Variants in MED23 observed in about 807,000 individuals in gnomAD.
MED23 encodes the protein mediator of RNA polymerase II transcription subunit 23.
In MED23, 105 loss-of-function variants were observed where a neutral mutation model predicts 163.9. That is an observed-to-expected ratio of 0.64 (90% CI 0.55 to 0.75). The LOEUF (loss-of-function observed/expected upper bound fraction) is 0.75. Among genes scored for constraint, MED23 ranks in the 30% least tolerant of loss-of-function variants. The pLI, the probability that MED23 is intolerant of heterozygous loss-of-function variation, is 0.00. For missense variants in MED23, 1,054 were observed against 1,649.0 expected (o/e 0.64, Z 6.25); for synonymous variants, 561 against 565.6 (o/e 0.99, Z 0.12).
Position 131,623,418 on chromosome 6 carries a change from T to C in MED23, c.329A>G (p.Glu110Gly). The change falls in exon 5 of 29, where the codon GAA (glutamate) becomes GGA (glycine). Residue 110 changes from glutamate to glycine, a missense_variant. Physicochemically the swap from Glu to Gly is moderately conservative, Grantham distance 98. Coordinates refer to ENST00000368068, the MANE Select transcript of MED23 (RefSeq NM_004830.4). Reference sequence around the variant, plus strand: ...TGTTAAGGCCCAAAGCTGTGTTCTTTCCCACTCAAGAGTGTCAGAGTTTAT... The same window carrying C: ...TGTTAAGGCCCAAAGCTGTGTTCTTCCCCACTCAAGAGTGTCAGAGTTTAT... ...SLINSDTLEW[E>G]RTQLWALTFK... 1.2e-6 allele frequency: 2 copies of C among 1,614,164 alleles called. No homozygotes were observed. Among genetic ancestry groups the C allele is most frequent in the South Asian group, 2.2e-5 (2 of 91,082 alleles).
exon 31 of MED23, chr6:131,574,072 T>TC: frequency 1.6e-6 from 1 of 606,076 alleles, no homozygotes; most frequent in South Asian, 2.1e-5. Context: ...CACTTTTTTT[T>TC]CTGCCTGGGC....
intron 3 of MED23, 130 bp from the exon 4 acceptor site, chr6:131,625,119 A>C: frequency 9.2e-7 from 1 of 1,082,400 alleles, no homozygotes; most frequent in Non-Finnish European, 1.3e-6. Context: ...GTGGATGAAA[A>C]TAATTTTTAA....
Position 131,610,839 on chromosome 6 carries a change from G to GA in MED23, c.877-594dup, listed in dbSNP as rs1776229845. 2.6e-5 allele frequency among the ~76,000 whole-genome samples: 4 copies of GA among 151,844 alleles called. No homozygotes were observed. The South Asian group carries it at 6.2e-4, about 24-fold the overall frequency. ...GAAATGGAAACTTCTTCCACAAGAGGAAAAAAAATTGATCTCTCTGCTCTT... is the reference window on the plus strand; with the variant it reads ...GAAATGGAAACTTCTTCCACAAGAGGAAAAAAAAATTGATCTCTCTGCTCTT... On this transcript the variant is annotated intron_variant, in intron 10 of 28. Coordinates refer to ENST00000368068, the MANE Select transcript of MED23 (RefSeq NM_004830.4).
downstream of MED23, chr6:131,583,589 C>T: frequency 6.5e-7 from 1 of 1,544,600 alleles, no homozygotes; most frequent in Non-Finnish European, 8.9e-7. Context: ...CTGACACTTT[C>T]AGAATGTCCA....
Position 131,623,459 on chromosome 6 carries a change from C to A in MED23, c.288G>T (p.Leu96=). 6.2e-7 allele frequency: 1 copy of A among 1,613,404 alleles called. No homozygotes were observed. The highest frequency in any genetic ancestry group is 8.5e-7 in the Non-Finnish European group (1 of 1,179,410). The stretch of plus-strand genomic sequence containing the variant: ...CAGAGTTTATCAGGGATTCACAAAC[C>A]AGCCTATAAAAAAAGAAATAGCCAT... ...AVETGLLPPR[L]VCESLINSDT... is the part of the protein sequence containing the mutation. The change falls in exon 5 of 29, where the codon CTG becomes CTT. Residue 96 remains leucine (L), a synonymous_variant. Coordinates refer to ENST00000368068, the MANE Select transcript of MED23 (RefSeq NM_004830.4).
rs1774626456 is a variant in MED23, at chr6:131,591,442, T to C, written c.3557A>G (p.Tyr1186Cys). ...AGTGAAATCAAAGAGGCGGAATGGA[T>C]AGCCAACCCACTCTGTTTCAGACGT... ...SLTSETEWVGYPFRLFDFTAC... is the reference protein window; with the variant it reads ...SLTSETEWVGCPFRLFDFTAC... Residue 1186 changes from tyrosine to cysteine, a missense_variant, in exon 26 of 29, where the codon TAT becomes TGT. Physicochemically the swap from Tyr to Cys is radical, Grantham distance 194. Transcript: ENST00000368068. The C allele has an allele frequency of 6.2e-7, 1 of 1,613,954 alleles. No homozygotes were observed. Among genetic ancestry groups the C allele is most frequent in the Non-Finnish European group, 8.5e-7 (1 of 1,179,872 alleles).
At chr6:131,589,765 T>C (rs1774453702) in intron 27 of MED23, among the ~76,000 whole-genome samples, 169 bp from the exon 28 acceptor site, 1 of 151,412 alleles carries the variant, frequency 6.6e-6, no homozygotes, top group Admixed American at 6.5e-5. Context: ...ATGGCTTGCA[T>C]TTATAAAAGA....
intron 10 of MED23, among the ~76,000 whole-genome samples, chr6:131,612,759 A>T (rs1776372661): frequency 6.6e-6 from 1 of 152,146 alleles, no homozygotes; most frequent in Non-Finnish European, 1.5e-5. Flanking sequence ...AAAATCAGGC[A>T]AAAGACATTA....
chr6:131,592,482 G>A (rs761453645), intron 24 of MED23, 22 bp from the exon 25 acceptor site: 7 of 1,605,984 alleles, frequency 4.4e-6, no homozygotes, highest in African/African-American at 2.7e-5. Flanking sequence ...AAAAAAGAAT[G>A]TAAGTATGAA....
chr6:131,602,503 TTG>T, intron 16 of MED23, 122 bp from the exon 17 acceptor site: 1 of 855,408 alleles, frequency 1.2e-6, no homozygotes, highest in East Asian at 2.7e-5. Context: ...AAAAACACTT[TTG>T]TGTGAGAATA....
intron 20 of MED23, among the ~76,000 whole-genome samples, chr6:131,597,600 CT>C (rs1775162946): frequency 6.6e-6 from 1 of 151,708 alleles, no homozygotes; most frequent in Non-Finnish European, 1.5e-5. Flanking sequence ...TATATTCGCA[CT>C]CTGTAAAGAA....
rs777742329 is a variant in MED23 at position 131,592,396 on chromosome 6, C to T, written c.3463G>A (p.Ala1155Thr). Residue 1155 changes from alanine to threonine, a missense_variant, in exon 25 of 29, where the codon GCC becomes ACC. Transcript: ENST00000368068. ...CACAATTATTAACTCACTGGTAGGG[C>T]AGTGATGATCAAACCAATTGCATTC... The part of the protein sequence containing the change: ...WMNAIGLIIT[A>T]LPEPYWIVLH... 3.1e-6 allele frequency: 5 copies of T among 1,613,542 alleles called. No homozygotes were observed. In the African/African-American group the frequency reaches 4.0e-5, roughly 13 times the overall value.
intron 30 of MED23, among the ~76,000 whole-genome samples, chr6:131,575,301 C>T (rs535643401): frequency 6.1e-4 from 92 of 151,988 alleles, no homozygotes; most frequent in African/African-American, 2.1e-3. Context: ...AATATAGTGC[C>T]CCACATGTAA....
downstream of MED23, among the ~76,000 whole-genome samples, chr6:131,585,415 A>G (rs1258475118): frequency 2.0e-5 from 3 of 152,216 alleles, no homozygotes; most frequent in Non-Finnish European, 4.4e-5. Context: ...CAGAATTTAA[A>G]AACTGTTTCC....
chr6:131,587,729 G>C lies in MED23; in HGVS notation c.4057C>G (p.Pro1353Ala). Residue 1353 changes from proline to alanine, a missense_variant, in exon 29 of 29, where the codon CCA (proline) becomes GCA (alanine). By Grantham distance (27) the Pro-to-Ala change is conservative. Transcript: ENST00000368068. ...VPPQAMNSGS[P>A]APQSNQVPVS... ...GGCACCTGATTAGACTGAGGTGCTG[G>C]AGACCCACTGTTCATGGCTTGTGGA... is the stretch of plus-strand genomic sequence containing the variant. 6.2e-7 allele frequency: 1 copy of C among 1,614,142 alleles called. No individual in the cohort carries two copies.
chr6:131,615,066 C>CAAAAAAAAA (rs5880072), intron 10 of MED23, among the ~76,000 whole-genome samples: 1,601 of 66,428 alleles, frequency 0.024, no homozygotes, highest in Non-Finnish European at 0.034. Flanking sequence ...TCTTTGTTAC[C>CAAAAAAAAA]AAAAAAAAAA....
downstream of MED23, chr6:131,584,023 C>A (rs1033260259): frequency 2.5e-6 from 3 of 1,223,714 alleles, no homozygotes; most frequent in Admixed American, 4.5e-5. Flanking sequence ...AAATGTTTTT[C>A]CAATTAGTAT....
rs1775355961 is a variant in MED23, at chr6:131,600,103, T to C, written c.2155A>G (p.Ile719Val). Reference protein sequence around the residue: ...GTWCKDILQTIMSFTPHNWAS... With the variant: ...GTWCKDILQTVMSFTPHNWAS... ...CAATTATGAGGAGTGAAACTCATGA[T>C]GGTCTGAAGTATGTCTTTACACCAA... is the stretch of plus-strand genomic sequence containing the variant. Residue 719 changes from isoleucine (I) to valine (V), a missense_variant, in exon 18 of 29, where the codon ATC (isoleucine) becomes GTC (valine). Coordinates refer to ENST00000368068, the MANE Select transcript of MED23 (RefSeq NM_004830.4). 3 of 1,613,690 alleles carry C rather than the reference T, an allele frequency of 1.9e-6. No individual in the cohort carries two copies. Among genetic ancestry groups the C allele is most frequent in the Non-Finnish European group, 2.5e-6 (3 of 1,179,624 alleles).
At chr6:131,608,813 TGGA>T (rs1042808857) in intron 11 of MED23, among the ~76,000 whole-genome samples, 13 of 152,354 alleles carry the variant, frequency 8.5e-5, no homozygotes, top group African/African-American at 2.6e-4. Flanking sequence ...ATTCATGCTG[TGGA>T]GATGTTATGT....
Sources: gnomAD v4.1 joint callset for allele counts (sites outside exome capture counted in the v4.1 genomes callset) on GRCh38, gnomAD v4.1.1 for gene constraint, MANE v1.5 for transcripts, NCBI Gene and HGNC (gene_info 2026-07-23, HGNC 2026-07-21) for gene names.